Variants in RANBP2 observed in about 807,000 individuals in gnomAD.
RANBP2 encodes E3 SUMO-protein ligase RanBP2.
RANBP2 carries 57 observed loss-of-function variants against 303.6 expected under a neutral mutation model. That is an observed-to-expected ratio of 0.19 (90% CI 0.15 to 0.23). The LOEUF (loss-of-function observed/expected upper bound fraction) is 0.23, where lower values mean the gene tolerates loss of function less well. RANBP2 is among the 10% of genes least tolerant of loss of function. The probability of loss-of-function intolerance (pLI) is 1.00; values close to 1 mark genes in which losing one functional copy is unlikely to be tolerated. For missense variants in RANBP2, 3,138 were observed against 3,780.8 expected (o/e 0.83, Z 4.46); for synonymous variants, 1,167 against 1,301.5 (o/e 0.90, Z 2.23).
chr2:108,745,901 C>CTTTT (rs71381988), intron 7 of RANBP2, among the ~76,000 whole-genome samples: 2 of 140,654 alleles, frequency 1.4e-5, no homozygotes, highest in African/African-American at 2.7e-5. Context: ...TCTGTGTATG[C>CTTTT]TTTTTTTTTT....
the RANBP2 span, among the ~76,000 whole-genome samples, chr2:109,380,030 G>T: frequency 6.6e-6 from 1 of 152,136 alleles, no homozygotes; most frequent in Non-Finnish European, 1.5e-5. Flanking sequence ...TGAGTGTAAA[G>T]AAATGAGACA....
At chr2:108,724,015 T>A (rs1694495243) in intron 1 of RANBP2, among the ~76,000 whole-genome samples, 1 of 152,234 alleles carries the variant, frequency 6.6e-6, no homozygotes, top group Non-Finnish European at 1.5e-5. Context: ...GGGACTTCCC[T>A]TTATCATCAG....
the RANBP2 span, among the ~76,000 whole-genome samples, chr2:109,607,093 C>T: frequency 2.6e-5 from 4 of 152,188 alleles, no homozygotes; most frequent in Non-Finnish European, 4.4e-5. Context: ...CCATGGCCAT[C>T]GCTTCGTTTA....
the RANBP2 span, among the ~76,000 whole-genome samples, chr2:108,944,034 A>G: frequency 6.6e-6 from 1 of 152,256 alleles, no homozygotes; most frequent in Non-Finnish European, 1.5e-5. Flanking sequence ...GTGGTTTCTC[A>G]GGAATGTACA....
chr2:108,761,361 A>T (rs1434224993), intron 18 of RANBP2, among the ~76,000 whole-genome samples: 3 of 151,954 alleles, frequency 2.0e-5, no homozygotes, highest in African/African-American at 7.3e-5. Flanking sequence ...ACCTCTTGGC[A>T]CAGTTTCTGT....
chr2:108,893,433 T>C, the RANBP2 span, among the ~76,000 whole-genome samples: 1 of 152,056 alleles, frequency 6.6e-6, no homozygotes, highest in African/African-American at 2.4e-5. Flanking sequence ...CACCATCAAA[T>C]CCCTCCAATG....
the RANBP2 span, chr2:109,614,757 C>T: frequency 1.3e-6 from 2 of 1,481,508 alleles, no homozygotes; most frequent in African/African-American, 2.9e-5. Context: ...GCCGTCCGAG[C>T]CCTCCGGGGA....
the RANBP2 span, among the ~76,000 whole-genome samples, chr2:109,150,881 A>G: frequency 3.3e-5 from 5 of 152,344 alleles, no homozygotes; most frequent in East Asian, 1.9e-4. Flanking sequence ...ATATGGGCAT[A>G]TAAGTCAGTG....
the RANBP2 span, among the ~76,000 whole-genome samples, chr2:109,040,899 C>CA: frequency 6.6e-6 from 1 of 151,862 alleles, no homozygotes; most frequent in African/African-American, 2.4e-5. Context: ...ACTAAAAATA[C>CA]AAAAAAATTA....
chr2:108,878,843 A>G, the RANBP2 span, among the ~76,000 whole-genome samples: 139,673 of 152,176 alleles, frequency 0.92, 64,172 homozygotes, highest in East Asian at 1. Flanking sequence ...TAATTTCACT[A>G]TTAGAAAAAT....
chr2:109,166,919 T>A, the RANBP2 span, among the ~76,000 whole-genome samples: 1 of 152,262 alleles, frequency 6.6e-6, no homozygotes, highest in Non-Finnish European at 1.5e-5. Context: ...TTACTGTGTT[T>A]ATGCATGCAA....
the RANBP2 span, among the ~76,000 whole-genome samples, chr2:109,252,232 A>G: frequency 1.3e-5 from 2 of 149,334 alleles, no homozygotes; most frequent in East Asian, 3.9e-4. Flanking sequence ...CAGGTGACAC[A>G]GTGAGACCCT....
At chr2:109,251,358 C>T in the RANBP2 span, 20 of 591,012 alleles carry the variant, frequency 3.4e-5, no homozygotes, top group African/African-American at 5.6e-5. Context: ...CGGCCTGCCG[C>T]GGGAGCATGA....
At chr2:109,103,083 G>T in the RANBP2 span, among the ~76,000 whole-genome samples, 10 of 152,200 alleles carry the variant, frequency 6.6e-5, no homozygotes, top group African/African-American at 2.2e-4. Flanking sequence ...GTGCAGCACT[G>T]TGCTTGGCTT....
Position 108,766,565 on chromosome 2 carries a change from A to G in RANBP2, c.6026A>G (p.Asp2009Gly). The change falls in exon 20 of 29, where the codon GAT becomes GGT. Residue 2009 changes from aspartate to glycine, a missense_variant. Around this residue, in one of 20 missense-constraint regions of RANBP2, gnomAD observed 348 missense variants for 360.4 expected, o/e 0.97. Transcript: ENST00000283195. ...DDDAYKTEDS[D>G]DIHFEPVVQM... ...GATGCCTATAAGACTGAGGACAGCG[A>G]TGACATCCATTTTGAACCAGTAGTT... 6.2e-7 allele frequency: 1 copy of G among 1,612,008 alleles called. No individual in the cohort carries two copies. Among genetic ancestry groups the G allele is most frequent in the Non-Finnish European group, 8.5e-7 (1 of 1,179,850 alleles).
Position 108,729,149 on chromosome 2 carries a change from C to A in RANBP2, c.90C>A (p.Phe30Leu), listed in dbSNP as rs1468315894. The A allele has an allele frequency of 6.4e-7, 1 of 1,572,664 alleles. No homozygotes were observed. Among genetic ancestry groups the A allele is most frequent in the South Asian group, 1.1e-5 (1 of 89,748 alleles). ...TTTTTTAGAAGTCAATGAAAGGATT[C>A]TATTTTGCAAAGCTGTATTATGAAG... is the stretch of plus-strand genomic sequence containing the variant. ...PSPRQKSMKG[F>L]YFAKLYYEAK... Residue 30 changes from phenylalanine (F) to leucine (L), a missense_variant, in exon 2 of 29, where the codon TTC becomes TTA. Physicochemically the swap from Phe to Leu is conservative, Grantham distance 22. Coordinates refer to ENST00000283195, the MANE Select transcript of RANBP2 (RefSeq NM_006267.5).
the RANBP2 span, chr2:109,545,642 T>C: frequency 1.3e-6 from 2 of 1,505,366 alleles, no homozygotes; most frequent in Non-Finnish European, 1.8e-6. Flanking sequence ...CTTATGTCTA[T>C]AATTCCCCAA....
At chr2:109,361,323 G>A in the RANBP2 span, among the ~76,000 whole-genome samples, 50 of 152,236 alleles carry the variant, frequency 3.3e-4, no homozygotes, top group Non-Finnish European at 5.6e-4. Context: ...TTAGGGTAAC[G>A]TTAACCTCAT....
the RANBP2 span, among the ~76,000 whole-genome samples, chr2:109,729,385 G>A: frequency 1.3e-5 from 2 of 152,148 alleles, no homozygotes; most frequent in Non-Finnish European, 2.9e-5. Flanking sequence ...AGTGGTTCAT[G>A]CCTGTAACCC....
Sources: allele counts gnomAD v4.1 joint callset (sites outside exome capture counted in the v4.1 genomes callset), GRCh38; gene constraint gnomAD v4.1.1; regional missense constraint gnomAD v4.1.1; transcripts MANE v1.5; gene names NCBI Gene and HGNC (gene_info 2026-07-23, HGNC 2026-07-21).